Variants in DNAH5 observed in about 807,000 individuals in gnomAD.
DNAH5 encodes the protein axonemal beta dynein heavy chain 5.
A neutral mutation model predicts 518.2 loss-of-function variants in DNAH5; 372 were observed. The observed-to-expected ratio is 0.72, with a 90% CI of 0.66 to 0.78. The LOEUF (loss-of-function observed/expected upper bound fraction) is 0.78, where lower values mean the gene tolerates loss of function less well. Among genes scored for constraint, DNAH5 ranks in the 30% least tolerant of loss-of-function variants. The pLI is 0.00. For missense variants in DNAH5, 5,523 were observed against 5,687.0 expected (o/e 0.97, Z 0.93); for synonymous variants, 2,039 against 2,025.9 (o/e 1.01, Z -0.17).
chr5:13,988,727 C>CTTTTTTTTTTTT (rs528130556), intron 1 of DNAH5, among the ~76,000 whole-genome samples: 18 of 126,622 alleles, frequency 1.4e-4, no homozygotes, highest in East Asian at 5.4e-4. Context: ...CAGCCCAAAT[C>CTTTTTTTTTTTT]TTTTTTTTTT....
intron 61 of DNAH5, among the ~76,000 whole-genome samples, chr5:13,756,984 T>C (rs1015907796): frequency 6.6e-6 from 1 of 152,214 alleles, no homozygotes; most frequent in Non-Finnish European, 1.5e-5. Flanking sequence ...TGTGTTAGTT[T>C]GCTAAGGATA....
chr5:13,974,600 T>C (rs192704080), intron 1 of DNAH5, among the ~76,000 whole-genome samples: 178 of 152,288 alleles, frequency 1.2e-3, no homozygotes, highest in Non-Finnish European at 2.0e-3. Flanking sequence ...CCACCCGCTA[T>C]AAGTCCCATC....
At chr5:13,750,097 G>A (rs570740974) in intron 65 of DNAH5, among the ~76,000 whole-genome samples, 1 of 152,114 alleles carries the variant, frequency 6.6e-6, no homozygotes, top group Non-Finnish European at 1.5e-5. Flanking sequence ...AAGTGGAGGA[G>A]AAAGAGATAG....
chr5:13,894,667 T>G lies in DNAH5; in HGVS notation c.2414A>C (p.Asn805Thr), dbSNP rs759446362. The stretch of plus-strand genomic sequence containing the variant: ...AGACTTACTGATCTTTGCAAAAGTG[T>G]TTTCTAAATAAGCCTCAATATTCAG... ...TSLNIEAYLENTFAKIKDLEL... is the reference protein window; with the variant it reads ...TSLNIEAYLETTFAKIKDLEL... Residue 805 changes from asparagine to threonine, a missense_variant, in exon 16 of 79, where the codon AAC becomes ACC. Physicochemically the swap from Asn to Thr is moderately conservative, Grantham distance 65. Coordinates refer to ENST00000265104, the MANE Select transcript of DNAH5 (RefSeq NM_001369.3). 5 of 1,613,900 alleles carry G rather than the reference T, an allele frequency of 3.1e-6. No individual in the cohort carries two copies. In the East Asian group the frequency reaches 1.1e-4, roughly 36 times the overall value.
chr5:13,889,101 TA>T (rs1301683260), intron 17 of DNAH5, among the ~76,000 whole-genome samples: 2 of 152,196 alleles, frequency 1.3e-5, no homozygotes, highest in Non-Finnish European at 2.9e-5. Flanking sequence ...TTAAAAAGCT[TA>T]AAATGCATTA....
chr5:13,802,328 C>G (rs1319422760), intron 47 of DNAH5, among the ~76,000 whole-genome samples: 1 of 152,148 alleles, frequency 6.6e-6, no homozygotes, highest in Non-Finnish European at 1.5e-5. Context: ...AGGAATGGAG[C>G]TCCCTTCTGG....
chr5:13,985,430 A>ATATATATATAT (rs1782977078), intron 1 of DNAH5, among the ~76,000 whole-genome samples: 3 of 127,346 alleles, frequency 2.4e-5, no homozygotes, highest in Admixed American at 8.3e-5. Flanking sequence ...AGTATAATAA[A>ATATATATATAT]ATATATATAT....
At chr5:13,871,109 T>C in intron 23 of DNAH5, 107 bp from the exon 24 acceptor site, 1 of 766,672 alleles carries the variant, frequency 1.3e-6, no homozygotes, top group South Asian at 1.9e-5. Flanking sequence ...CTTATTGCCC[T>C]CTAACCCACA....
Position 13,727,571 on chromosome 5 carries a change from G to T in DNAH5, c.11969C>A (p.Ser3990Tyr), listed in dbSNP as rs1000624148. The T allele has an allele frequency of 1.1e-5, 18 of 1,613,790 alleles. No homozygotes were observed. The African/African-American group carries it at 2.3e-4, about 20-fold the overall frequency. ...GAGAAGACGTCTGAAGCAGTCAAGA[G>T]ATTTATCATAGGCATTTGGAAGAGG... ...EEPLPNAYDK[S>Y]LDCFRRLLLI... Residue 3990 changes from serine (S) to tyrosine (Y), a missense_variant, in exon 70 of 79, where the codon TCT becomes TAT. By Grantham distance (144) the Ser-to-Tyr change is moderately radical. Coordinates refer to ENST00000265104, the MANE Select transcript of DNAH5 (RefSeq NM_001369.3).
chr5:13,735,025 A>G, intron 68 of DNAH5, 106 bp downstream of exon 68: 3 of 969,638 alleles, frequency 3.1e-6, no homozygotes, highest in South Asian at 2.7e-5. Context: ...ATGCAGTCTT[A>G]CATAATGCAA....
chr5:13,843,999 A>G (rs1580537862), intron 32 of DNAH5, among the ~76,000 whole-genome samples: 1 of 152,028 alleles, frequency 6.6e-6, no homozygotes, highest in African/African-American at 2.4e-5. Flanking sequence ...GGCCAGCATC[A>G]TGACTCTCAG....
rs151287187 is a variant in DNAH5 at position 13,809,112 on chromosome 5, T to A, written c.7684A>T (p.Ile2562Phe). Residue 2562 changes from isoleucine (I) to phenylalanine (F), a missense_variant, in exon 46 of 79, where the codon ATT becomes TTT. Transcript: ENST00000265104. ...ACATTGTCAACATTTGGCACCAGAA[T>A]AGAACCATACTCTGGGGTGGTATCA... is the stretch of plus-strand genomic sequence containing the variant. ...PSDTTPEYGS[I>F]LVPNVDNVRT... 680 of 1,614,086 alleles carry A rather than the reference T, an allele frequency of 4.2e-4. 1 individual carries two copies. The highest frequency in any genetic ancestry group is 5.5e-4 in the Non-Finnish European group (653 of 1,180,036).
chr5:13,843,942 A>C (rs1395283754), intron 32 of DNAH5, among the ~76,000 whole-genome samples: 4 of 151,648 alleles, frequency 2.6e-5, no homozygotes, highest in African/African-American at 4.8e-5. Context: ...GTAGTACATA[A>C]AACTGACTTC....
chr5:13,926,380 C>G (rs180748721), intron 3 of DNAH5, among the ~76,000 whole-genome samples: 1 of 152,318 alleles, frequency 6.6e-6, no homozygotes, highest in Admixed American at 6.5e-5. Flanking sequence ...TGCCCCTCTT[C>G]CCTCTTACCT....
At chr5:13,825,061 G>T (rs534584873) in intron 38 of DNAH5, among the ~76,000 whole-genome samples, 1 of 152,270 alleles carries the variant, frequency 6.6e-6, no homozygotes, top group African/African-American at 2.4e-5. Flanking sequence ...GAAAGAATGT[G>T]CCAGGCACAA....
chr5:13,927,570 A>T lies in DNAH5; in HGVS notation c.277+524T>A, dbSNP rs546443724. 1.7e-3 allele frequency among the ~76,000 whole-genome samples: 265 copies of T among 152,306 alleles called. 4 individuals carry two copies. The highest frequency in any genetic ancestry group is 3.4e-3 in the Middle Eastern group (1 of 294). On this transcript the variant is annotated intron_variant, in intron 3 of 78. Coordinates refer to ENST00000265104, the MANE Select transcript of DNAH5 (RefSeq NM_001369.3). ...GATTTGCAAATTTTTCATAAATGAG[A>T]ATGATGAAACCTGTCATCCAATATT... is the stretch of plus-strand genomic sequence containing the variant.
At chr5:13,862,474 G>A in intron 29 of DNAH5, 74 bp downstream of exon 29, 1 of 1,422,118 alleles carries the variant, frequency 7.0e-7, no homozygotes, top group Non-Finnish European at 9.9e-7. Flanking sequence ...TTATTGTAAT[G>A]GATTTTTCAT....
intron 11 of DNAH5, among the ~76,000 whole-genome samples, chr5:13,912,169 T>C (rs995664020): frequency 6.6e-6 from 1 of 152,160 alleles, no homozygotes; most frequent in African/African-American, 2.4e-5. Flanking sequence ...CTTAACCAGG[T>C]ACTAAGCCAT....
At chr5:13,921,156 C>T (rs561804249) in intron 5 of DNAH5, among the ~76,000 whole-genome samples, 32 of 151,918 alleles carry the variant, frequency 2.1e-4, no homozygotes, top group Non-Finnish European at 4.4e-4. Flanking sequence ...TTTGGTCTGC[C>T]CTCCATCACA....
Sources: allele counts gnomAD v4.1 joint callset (sites outside exome capture counted in the v4.1 genomes callset), GRCh38; gene constraint gnomAD v4.1.1; transcripts MANE v1.5; gene names NCBI Gene and HGNC (gene_info 2026-07-23, HGNC 2026-07-21).